BANK1: variants seen among roughly 807,000 people sequenced by gnomAD.
BANK1 encodes the protein B cell scaffold protein with ankyrin repeats 1, also known as B-cell scaffold protein with ankyrin repeats.
BANK1 carries 95 observed loss-of-function variants against 94.5 expected under a neutral mutation model. The ratio of observed to expected loss-of-function variants is 1.00; its 90% CI spans 0.85 to 1.19. The LOEUF is 1.19. Among genes scored for constraint, BANK1 ranks in the 50% most tolerant of loss-of-function variants. The pLI is 0.00. For synonymous variants in BANK1, 334 were observed against 308.4 expected (o/e 1.08, Z -0.87); for missense variants, 987 against 932.2 (o/e 1.06, Z -0.77).
At chr4:101,824,569 T>C (rs1163133113) in intron 1 of BANK1, among the ~76,000 whole-genome samples, 2 of 152,226 alleles carry the variant, frequency 1.3e-5, no homozygotes, top group Non-Finnish European at 1.5e-5. Context: ...AATTGAGTTA[T>C]ACTTACTGTG....
intron 2 of BANK1, among the ~76,000 whole-genome samples, chr4:101,849,632 A>G (rs1727397554): frequency 6.6e-6 from 1 of 152,130 alleles, no homozygotes. Context: ...AAAAAAATTT[A>G]TGTGTGTGTA....
At chr4:101,825,432 G>A (rs1726326448) in intron 1 of BANK1, among the ~76,000 whole-genome samples, 1 of 151,994 alleles carries the variant, frequency 6.6e-6, no homozygotes, top group African/African-American at 2.4e-5. Context: ...TCTAGAAAAA[G>A]GGAAAAGAAA....
chr4:101,963,561 T>C lies in BANK1; in HGVS notation c.1206+45372T>C, dbSNP rs188315933. Among the ~76,000 whole-genome samples the C allele has an allele frequency of 3.9e-5, 6 of 152,268 alleles. 1 individual carries two copies. The highest frequency in any genetic ancestry group is 3.9e-4 in the Admixed American group (6 of 15,270). ...AGTAGCCAGCTTTTGATATTGCCTG[T>C]TTAATTTTAGATTAAAGATTGGTTG... On this transcript the variant is annotated intron_variant, in intron 7 of 16. Coordinates refer to ENST00000322953, the MANE Select transcript of BANK1 (RefSeq NM_017935.5).
intron 1 of BANK1, among the ~76,000 whole-genome samples, chr4:101,807,415 A>T (rs939896855): frequency 6.6e-6 from 1 of 152,176 alleles, no homozygotes; most frequent in Non-Finnish European, 1.5e-5. Flanking sequence ...ACTCTCTTTG[A>T]TAGTGTTGGA....
chr4:101,945,875 A>G (rs972730345), intron 7 of BANK1, among the ~76,000 whole-genome samples: 1 of 151,972 alleles, frequency 6.6e-6, no homozygotes, highest in Non-Finnish European at 1.5e-5. Flanking sequence ...CCCAATCAGA[A>G]GAAGAATGTG....
chr4:101,983,618 G>C (rs1432937668), intron 7 of BANK1, among the ~76,000 whole-genome samples: 1 of 152,048 alleles, frequency 6.6e-6, no homozygotes, highest in Non-Finnish European at 1.5e-5. Flanking sequence ...TTGAAGTGTA[G>C]CATAGTATTC....
At chr4:101,936,698 A>G (rs1723574019) in intron 7 of BANK1, among the ~76,000 whole-genome samples, 1 of 151,646 alleles carries the variant, frequency 6.6e-6, no homozygotes, top group African/African-American at 2.4e-5. Context: ...TAACAGACAT[A>G]TGAAAAGTTG....
At chr4:101,935,316 A>G (rs1440473127) in intron 7 of BANK1, among the ~76,000 whole-genome samples, 3 of 151,604 alleles carry the variant, frequency 2.0e-5, no homozygotes, top group Non-Finnish European at 4.4e-5. Flanking sequence ...CAGCTGTGTC[A>G]GAAAATTGCC....
intron 7 of BANK1, among the ~76,000 whole-genome samples, chr4:101,963,990 T>G (rs12513249): frequency 0.37 from 55,689 of 151,788 alleles, 11,652 homozygotes; most frequent in South Asian, 0.53. Flanking sequence ...TAGCATTTTT[T>G]TGTGTGTGTG....
At chr4:101,906,843 A>G (rs988349211) in intron 6 of BANK1, among the ~76,000 whole-genome samples, 3 of 152,098 alleles carry the variant, frequency 2.0e-5, no homozygotes, top group African/African-American at 4.8e-5. Flanking sequence ...AGCCCCCACA[A>G]TGGACGCCAC....
Position 102,007,272 on chromosome 4 carries a change from C to T in BANK1, c.1207-14242C>T, listed in dbSNP as rs142291661. ...GGACAGATTTGTTGACCAGGTAAAA[C>T]GAATTAGAAGAAACAAGCACAGATC... On this transcript the variant is annotated intron_variant, in intron 7 of 16. Coordinates refer to ENST00000322953, the MANE Select transcript of BANK1 (RefSeq NM_017935.5). 9.0e-4 allele frequency among the ~76,000 whole-genome samples: 133 copies of T among 147,278 alleles called. 1 individual carries two copies. Among genetic ancestry groups the T allele is most frequent in the African/African-American group, 3.0e-3 (122 of 40,128 alleles).
At chr4:101,815,189 C>T (rs747317172) in intron 1 of BANK1, among the ~76,000 whole-genome samples, 57 of 152,196 alleles carry the variant, frequency 3.7e-4, no homozygotes, top group African/African-American at 1.3e-3. Flanking sequence ...CAGGAGACCC[C>T]GGACCATAGG....
chr4:101,878,705 A>G (rs1728574814), intron 5 of BANK1, among the ~76,000 whole-genome samples: 1 of 152,176 alleles, frequency 6.6e-6, no homozygotes, highest in Non-Finnish European at 1.5e-5. Flanking sequence ...ATGTTAGGTC[A>G]CAAAACAAGT....
At chr4:101,979,217 T>TA (rs1293740263) in intron 7 of BANK1, among the ~76,000 whole-genome samples, 1 of 151,976 alleles carries the variant, frequency 6.6e-6, no homozygotes, top group Non-Finnish European at 1.5e-5. Context: ...GTAGCATTGT[T>TA]ATATTTCACT....
chr4:101,870,463 C>T (rs1301628121), intron 4 of BANK1, 42 bp from the exon 5 acceptor site: 1 of 1,554,936 alleles, frequency 6.4e-7, no homozygotes, highest in Admixed American at 2.0e-5. Flanking sequence ...TATGAATATG[C>T]ATTATATACT....
chr4:101,796,224 AGCAGCT>A (rs1725151266), intron 1 of BANK1, among the ~76,000 whole-genome samples: 1 of 152,136 alleles, frequency 6.6e-6, no homozygotes, highest in Non-Finnish European at 1.5e-5. Context: ...CTAGTGACGG[AGCAGCT>A]GCACTTGTTT....
intron 5 of BANK1, among the ~76,000 whole-genome samples, chr4:101,879,946 T>C (rs1295097823): frequency 3.9e-5 from 6 of 152,086 alleles, no homozygotes; most frequent in East Asian, 1.9e-4. Flanking sequence ...TACCTTGACA[T>C]AGAAAAGCCA....
intron 1 of BANK1, among the ~76,000 whole-genome samples, chr4:101,819,098 C>T (rs2148858167): frequency 6.6e-6 from 1 of 152,148 alleles, no homozygotes; most frequent in Non-Finnish European, 1.5e-5. Flanking sequence ...ATACTCAAGG[C>T]AAGATGTCAT....
At position 101,933,485 on chromosome 4, in the gene BANK1, G is replaced by T. The variant is rs998181047; in HGVS notation, c.1206+15296G>T. Among the ~76,000 whole-genome samples the T allele has an allele frequency of 3.3e-5, 5 of 151,474 alleles. 1 individual carries two copies. On this transcript the variant is annotated intron_variant, in intron 7 of 16. Coordinates refer to ENST00000322953, the MANE Select transcript of BANK1 (RefSeq NM_017935.5). ...GTTGTTATGTCTGTAGCCTAATAAA[G>T]GTGAGTATTTTCCAGGGCAGTGGTT...
Sources: allele counts gnomAD v4.1 joint callset (sites outside exome capture counted in the v4.1 genomes callset), GRCh38; gene constraint gnomAD v4.1.1; transcripts MANE v1.5; gene names NCBI Gene and HGNC (gene_info 2026-07-23, HGNC 2026-07-21).